Variants in RNF17 observed in about 807,000 individuals in gnomAD.
RNF17 encodes spermatogenesis associated 23.
A neutral mutation model predicts 200.5 loss-of-function variants in RNF17; 31 were observed. The ratio of observed to expected loss-of-function variants is 0.15; its 90% CI spans 0.12 to 0.21. The LOEUF (loss-of-function observed/expected upper bound fraction) is 0.21, where lower values mean the gene tolerates loss of function less well. RNF17 is among the 10% of genes least tolerant of loss of function. The pLI, the probability that RNF17 is intolerant of heterozygous loss-of-function variation, is 1.00. For synonymous variants in RNF17, 606 were observed against 637.8 expected, an observed-to-expected ratio of 0.95 and a Z score of 0.75; for missense variants, 1,628 against 1,905.1, an observed-to-expected ratio of 0.85 and a Z score of 2.71.
chr13:24,880,754 T>A (rs563505708), downstream of RNF17, among the ~76,000 whole-genome samples: 3 of 152,324 alleles, frequency 2.0e-5, no homozygotes, highest in East Asian at 5.8e-4. Flanking sequence ...GGGGTTGCTT[T>A]TTGACTTTTA....
downstream of RNF17, chr13:24,883,399 TA>T (rs141987132): frequency 0.14 from 196,939 of 1,397,308 alleles, 14,001 homozygotes; most frequent in East Asian, 0.28. Flanking sequence ...TATGATTTCT[TA>T]AAAAAAAAAT....
intron 15 of RNF17, chr13:24,824,079 C>T (rs959872438): frequency 1.5e-6 from 1 of 653,512 alleles, no homozygotes; most frequent in African/African-American, 1.8e-5. Flanking sequence ...CATTGTCATT[C>T]TGGGAAGAGG....
At chr13:24,776,687 G>A (rs1881612867) in intron 3 of RNF17, among the ~76,000 whole-genome samples, 1 of 152,130 alleles carries the variant, frequency 6.6e-6, no homozygotes, top group African/African-American at 2.4e-5. Flanking sequence ...TAACTTACTG[G>A]GTGAGGTCGA....
chr13:24,886,855 A>G, the RNF17 span, among the ~76,000 whole-genome samples: 1 of 152,224 alleles, frequency 6.6e-6, no homozygotes, highest in Non-Finnish European at 1.5e-5. Context: ...ATTCAAACCC[A>G]CTATATATCA....
At chr13:24,843,109 T>C (rs773087602) in intron 19 of RNF17, among the ~76,000 whole-genome samples, 1 of 152,214 alleles carries the variant, frequency 6.6e-6, no homozygotes, top group Non-Finnish European at 1.5e-5. Flanking sequence ...CTAGTATTAA[T>C]GATCTGTGGA....
chr13:24,879,048 C>G (rs181933624), intron 34 of RNF17, 139 bp from the exon 35 acceptor site: 6,336 of 606,234 alleles, frequency 0.01, 44 homozygotes, highest in Non-Finnish European at 0.014. Context: ...ACTACAGATG[C>G]CTTTTGGAAG....
chr13:24,748,241 AG>A, the RNF17 span, among the ~76,000 whole-genome samples: 1 of 152,234 alleles, frequency 6.6e-6, no homozygotes, highest in African/African-American at 2.4e-5. Context: ...AACCAAGTGG[AG>A]CCACAGCCCT....
chr13:24,793,420 C>A, intron 10 of RNF17, 74 bp downstream of exon 10: 1 of 1,348,876 alleles, frequency 7.4e-7, no homozygotes, highest in Non-Finnish European at 1.0e-6. Context: ...CTTTTTCGTC[C>A]ATGCATTTAA....
At position 24,845,085 on chromosome 13, in the gene RNF17, T is replaced by G. The variant is rs188894202; in HGVS notation, c.3101+6T>G. 12 of 1,279,884 alleles carry G rather than the reference T, an allele frequency of 9.4e-6. No individual in the cohort carries two copies. In the Admixed American group the frequency reaches 1.5e-4, roughly 16 times the overall value. The allele number at this position is 1,279,884 out of a possible 1,614,324, so 79.3% of individuals were successfully genotyped here. A position where few individuals can be genotyped will look rare whatever the true frequency, so the allele number is the denominator to read the frequency against. ...TGTTCTCTGGTTGACATAAGGTAGT[T>G]TTTAGCTGAGTAATTTTCTCATTAT... On this transcript the variant is annotated splice_donor_region_variant and intron_variant, in intron 22 of 35. Coordinates refer to ENST00000255324, the MANE Select transcript of RNF17 (RefSeq NM_031277.3).
intron 15 of RNF17, among the ~76,000 whole-genome samples, chr13:24,806,006 T>A (rs2863939): frequency 6.6e-6 from 1 of 152,084 alleles, no homozygotes; most frequent in Non-Finnish European, 1.5e-5. Flanking sequence ...TCATCTACAT[T>A]AGGTATTTCT....
chr13:24,884,634 A>T (rs1452826567), downstream of RNF17, among the ~76,000 whole-genome samples: 1 of 152,136 alleles, frequency 6.6e-6, no homozygotes, highest in Admixed American at 6.5e-5. Context: ...TAATTTTCTC[A>T]TTCCTTTTCC....
chr13:24,885,064 C>T, the RNF17 span, among the ~76,000 whole-genome samples: 1 of 152,170 alleles, frequency 6.6e-6, no homozygotes, highest in Non-Finnish European at 1.5e-5. Context: ...TGAACAGAAG[C>T]TTTTAAGAAG....
chr13:24,764,888 G>GGGGGGTGT lies in RNF17; in HGVS notation c.130+556_130+557insGGGGTGTG, dbSNP rs899352115. 4.0e-4 allele frequency among the ~76,000 whole-genome samples: 54 copies of GGGGGGTGT among 134,170 alleles called. No individual in the cohort carries two copies. In the East Asian group the frequency reaches 7.5e-3, roughly 19 times the overall value. The allele number at this position is 134,170 out of a possible 152,430, so 88.0% of individuals were successfully genotyped here. A position where few individuals can be genotyped will look rare whatever the true frequency, so the allele number is the denominator to read the frequency against. ...ATAGTTTCTTTTGTGCACCTTGTGGGGTGTGTGTGTGTGTGTGTGTGTGTG... is the reference window on the plus strand; with the variant it reads ...ATAGTTTCTTTTGTGCACCTTGTGGGGGGGGTGTGTGTGTGTGTGTGTGTGTGTGTGTG... On this transcript the variant is annotated intron_variant, in intron 1 of 35. Transcript: ENST00000255324.
At chr13:24,886,379 G>A in the RNF17 span, 3 of 1,288,924 alleles carry the variant, frequency 2.3e-6, no homozygotes, top group Non-Finnish European at 3.0e-6. Flanking sequence ...AGGCGGCTGT[G>A]CTGTGCCTGT....
intron 18 of RNF17, among the ~76,000 whole-genome samples, chr13:24,835,047 C>T (rs112380001): frequency 0.18 from 26,673 of 152,068 alleles, 2,501 homozygotes; most frequent in South Asian, 0.32. Flanking sequence ...CCTGTGACTG[C>T]CATCATTCCC....
intron 18 of RNF17, among the ~76,000 whole-genome samples, chr13:24,835,241 C>A (rs9511467): frequency 0.2 from 29,775 of 151,676 alleles, 3,187 homozygotes; most frequent in South Asian, 0.32. Flanking sequence ...CCCTACCCCC[C>A]CTGGTAGCTG....
intron 2 of RNF17, among the ~76,000 whole-genome samples, chr13:24,771,795 C>T (rs982312971): frequency 1.3e-5 from 2 of 151,962 alleles, no homozygotes; most frequent in South Asian, 2.1e-4. Context: ...CACATGAGGT[C>T]GGGAGTCGAG....
intron 33 of RNF17, among the ~76,000 whole-genome samples, chr13:24,874,749 TTAAA>T: frequency 6.6e-6 from 1 of 152,166 alleles, no homozygotes; most frequent in African/African-American, 2.4e-5. Flanking sequence ...CTAATTGGCA[TTAAA>T]TACATTCACA....
chr13:24,830,833 C>G (rs1046880627), intron 17 of RNF17, among the ~76,000 whole-genome samples: 4 of 152,130 alleles, frequency 2.6e-5, no homozygotes, highest in African/African-American at 9.7e-5. Context: ...TTGTTGGCAG[C>G]TTTTAATATA....
Sources: gnomAD v4.1 joint callset for allele counts (sites outside exome capture counted in the v4.1 genomes callset) on GRCh38, gnomAD v4.1.1 for gene constraint, MANE v1.5 for transcripts, NCBI Gene and HGNC (gene_info 2026-07-23, HGNC 2026-07-21) for gene names.